Variants in HSPA12A observed in about 807,000 individuals in gnomAD.
HSPA12A encodes the protein heat shock 70 kDa protein 12A.
Under a neutral mutation model 69.2 loss-of-function variants are expected in HSPA12A, and 28 were observed. The observed-to-expected ratio is 0.40, with a 90% CI of 0.30 to 0.55. The LOEUF is 0.55. Ranked by LOEUF, HSPA12A falls within the 20% of genes least tolerant of loss-of-function variation. HSPA12A has a pLI of 0.38. For synonymous variants in HSPA12A, 345 were observed against 370.5 expected, an observed-to-expected ratio of 0.93 and a Z score of 0.79; for missense variants, 686 against 900.7, an observed-to-expected ratio of 0.76 and a Z score of 3.05.
At chr10:116,842,891 C>A (rs1845826105) in intron 1 of HSPA12A, among the ~76,000 whole-genome samples, 1 of 152,236 alleles carries the variant, frequency 6.6e-6, no homozygotes, top group African/African-American at 2.4e-5. Context: ...CCACACCCAG[C>A]CAGCCAAAGT....
At position 116,674,681 on chromosome 10, in the gene HSPA12A, G is replaced by T; in HGVS notation, c.*100C>A. On this transcript the variant is annotated 3_prime_UTR_variant, in exon 12 of 12. Coordinates refer to ENST00000369209, the MANE Select transcript of HSPA12A (RefSeq NM_025015.3). The stretch of plus-strand genomic sequence containing the variant: ...CATCTTCCCTGCTGAAATTCACATG[G>T]GCAATGGTGAGGGTCAAGGTTAGGG... 8.3e-7 allele frequency: 1 copy of T among 1,203,896 alleles called. No individual in the cohort carries two copies. The highest frequency in any genetic ancestry group is 1.2e-6 in the Non-Finnish European group (1 of 853,878). The allele number at this position is 1,203,896 out of a possible 1,614,324, so 74.6% of individuals were successfully genotyped here.
At chr10:116,741,983 C>A (rs918068820) in intron 1 of HSPA12A, among the ~76,000 whole-genome samples, 8 of 152,172 alleles carry the variant, frequency 5.3e-5, no homozygotes, top group African/African-American at 1.7e-4. Flanking sequence ...CCCACTCCTG[C>A]CTCGCTGAGT....
chr10:116,683,753 G>T (rs1554879033), intron 7 of HSPA12A, 38 bp downstream of exon 7: 3 of 1,469,252 alleles, frequency 2.0e-6, no homozygotes, highest in African/African-American at 2.8e-5. Context: ...GCTTGGGAAG[G>T]AAGGAGAGCA....
At position 116,698,773 on chromosome 10, in the gene HSPA12A, T is replaced by A. The variant is rs782013506; in HGVS notation, c.442-34A>T. On this transcript the variant is annotated intron_variant, in intron 4 of 11. Transcript: ENST00000369209. Reference sequence around the variant, plus strand: ...AGGAAGAGGAACAATAGTAAGAAGATGACACAGGAGAAACATGTCTCCTGG... The same window carrying A: ...AGGAAGAGGAACAATAGTAAGAAGAAGACACAGGAGAAACATGTCTCCTGG... The A allele has an allele frequency of 3.3e-6, 5 of 1,528,296 alleles. No individual in the cohort carries two copies. The East Asian group carries it at 9.1e-5, about 28-fold the overall frequency. The allele number at this position is 1,528,296 out of a possible 1,614,324, so 94.7% of individuals were successfully genotyped here. A position where few individuals can be genotyped will look rare whatever the true frequency, so the allele number is the denominator to read the frequency against.
intron 2 of HSPA12A, among the ~76,000 whole-genome samples, chr10:116,810,050 C>T (rs1257306582): frequency 6.6e-6 from 1 of 152,188 alleles, no homozygotes. Flanking sequence ...AGAATGTGAA[C>T]TCTGAGCAGC....
At chr10:116,703,759 T>C (rs1850148049) in intron 3 of HSPA12A, among the ~76,000 whole-genome samples, 1 of 152,164 alleles carries the variant, frequency 6.6e-6, no homozygotes, top group Non-Finnish European at 1.5e-5. Flanking sequence ...ATCCCATGGA[T>C]GGGTGGCACC....
At chr10:116,679,440 T>C in intron 10 of HSPA12A, 63 bp downstream of exon 10, 1 of 1,588,018 alleles carries the variant, frequency 6.3e-7, no homozygotes, top group Non-Finnish European at 8.6e-7. Flanking sequence ...TTCGCTCCTC[T>C]CTCCCATCAG....
At chr10:116,763,508 G>GA (rs1205279150) in intron 2 of HSPA12A, among the ~76,000 whole-genome samples, 1 of 152,136 alleles carries the variant, frequency 6.6e-6, no homozygotes, top group African/African-American at 2.4e-5. Flanking sequence ...TGTATAGTGC[G>GA]ATATGATCCA....
chr10:116,795,579 A>G (rs949146873), intron 2 of HSPA12A, among the ~76,000 whole-genome samples: 4 of 149,982 alleles, frequency 2.7e-5, no homozygotes, highest in African/African-American at 9.8e-5. Flanking sequence ...CCAGCTACTC[A>G]GGAGGCTGGG....
chr10:116,674,583 A>T lies in HSPA12A; in HGVS notation c.*198T>A, dbSNP rs1047199515. 2 of 616,894 alleles carry T rather than the reference A, an allele frequency of 3.2e-6. No homozygotes were observed. Among genetic ancestry groups the T allele is most frequent in the African/African-American group, 1.8e-5 (1 of 54,208 alleles). 38.2% of individuals were successfully genotyped at this position (616,894 alleles called of 1,614,324 possible). A position where few individuals can be genotyped will look rare whatever the true frequency, so the allele number is the denominator to read the frequency against. ...CTTTAATTTTCTATGCCTAAACCTT[A>T]ATCTTAATTTCTGTTTTTCTGACTC... On this transcript the variant is annotated 3_prime_UTR_variant, in exon 12 of 12. Transcript: ENST00000369209.
intron 2 of HSPA12A, among the ~76,000 whole-genome samples, chr10:116,812,517 A>C (rs916989288): frequency 6.6e-6 from 1 of 152,134 alleles, no homozygotes; most frequent in African/African-American, 2.4e-5. Context: ...AACCATCAGG[A>C]AAACTGATCT....
At chr10:116,731,277 C>T (rs542489699) in intron 1 of HSPA12A, among the ~76,000 whole-genome samples, 3 of 152,282 alleles carry the variant, frequency 2.0e-5, no homozygotes, top group African/African-American at 7.2e-5. Context: ...AAAAAGGTAC[C>T]TTTACAGTGA....
chr10:116,681,705 A>C, intron 8 of HSPA12A, 86 bp downstream of exon 8: 1 of 1,252,228 alleles, frequency 8.0e-7, no homozygotes, highest in Non-Finnish European at 1.2e-6. Flanking sequence ...ACATTTTCCA[A>C]AAGTGCAAAA....
exon 2 of HSPA12A, chr10:116,834,941 C>T (rs1045415159): frequency 6.5e-6 from 8 of 1,230,106 alleles, no homozygotes; most frequent in African/African-American, 6.2e-5. Flanking sequence ...CTACCTGAAG[C>T]GGCTATTTCC....
At chr10:116,795,084 G>T (rs1169445734) in intron 2 of HSPA12A, among the ~76,000 whole-genome samples, 5 of 152,116 alleles carry the variant, frequency 3.3e-5, no homozygotes, top group Non-Finnish European at 1.5e-5. Context: ...TTAGAAGGGG[G>T]ATAAATAAAA....
intron 1 of HSPA12A, among the ~76,000 whole-genome samples, chr10:116,726,027 G>GTGCGCACACA (rs1850948194): frequency 2.1e-5 from 3 of 146,114 alleles, no homozygotes; most frequent in African/African-American, 7.7e-5. Flanking sequence ...ACACACACAC[G>GTGCGCACACA]CACACACACA....
intron 2 of HSPA12A, among the ~76,000 whole-genome samples, chr10:116,706,365 T>C (rs1850249223): frequency 6.6e-6 from 1 of 151,900 alleles, no homozygotes; most frequent in African/African-American, 2.4e-5. Context: ...AACTTCAGGG[T>C]GCAAAGCTTG....
At chr10:116,754,827 A>G (rs1227784931) in intron 2 of HSPA12A, among the ~76,000 whole-genome samples, 1 of 152,270 alleles carries the variant, frequency 6.6e-6, no homozygotes, top group Non-Finnish European at 1.5e-5. Flanking sequence ...TTTCATACAT[A>G]CATGGATGGA....
In HSPA12A at chr10:116,674,574, C is replaced by T. The variant is rs1849169628; in HGVS notation, c.*207G>A. 1.6e-6 allele frequency: 1 copy of T among 610,732 alleles called. No individual in the cohort carries two copies. The allele number at this position is 610,732 out of a possible 1,614,324, so 37.8% of individuals were successfully genotyped here. ...TCCAGGATCCTTTAATTTTCTATGC[C>T]TAAACCTTAATCTTAATTTCTGTTT... On this transcript the variant is annotated 3_prime_UTR_variant, in exon 12 of 12. Coordinates refer to ENST00000369209, the MANE Select transcript of HSPA12A (RefSeq NM_025015.3).
Sources: allele counts gnomAD v4.1 joint callset (sites outside exome capture counted in the v4.1 genomes callset), GRCh38; gene constraint gnomAD v4.1.1; transcripts MANE v1.5; gene names NCBI Gene and HGNC (gene_info 2026-07-23, HGNC 2026-07-21).